The following ZNF43 variants were observed in gnomAD, a reference collection of about 807,000 sequenced individuals.
ZNF43 encodes zinc finger protein 39-like 1 (KOX 27).
A neutral mutation model predicts 68.4 loss-of-function variants in ZNF43; 44 were observed. The observed-to-expected ratio is 0.64, with a 90% CI of 0.51 to 0.83. The LOEUF is 0.83. Ranked by LOEUF, ZNF43 falls within the 40% of genes least tolerant of loss-of-function variation. The pLI, the probability that ZNF43 is intolerant of heterozygous loss-of-function variation, is 0.00. For synonymous variants in ZNF43, 308 were observed against 307.8 expected (o/e 1.00, Z -0.01); for missense variants, 896 against 933.2 (o/e 0.96, Z 0.52).
chr19:21,831,563 G>A (rs1327295734), intron 1 of ZNF43, among the ~76,000 whole-genome samples: 3 of 152,040 alleles, frequency 2.0e-5, no homozygotes, highest in Non-Finnish European at 2.9e-5. Flanking sequence ...GTTTCATCAT[G>A]TTGGCCAGGC....
intron 3 of ZNF43, among the ~76,000 whole-genome samples, chr19:21,817,520 G>A (rs2037588320): frequency 6.6e-6 from 1 of 152,146 alleles, no homozygotes; most frequent in Non-Finnish European, 1.5e-5. Flanking sequence ...TTTCAGACAT[G>A]ATGTAAAGAA....
rs748544106 is a variant in ZNF43 at position 21,808,193 on chromosome 19, AT to A, written c.1843del (p.Ile615PhefsTer28). 2.5e-6 allele frequency: 4 copies of A among 1,611,686 alleles called. No individual in the cohort carries two copies. The highest frequency in any genetic ancestry group is 2.5e-6 in the Non-Finnish European group (3 of 1,179,346). ...QSSNLTTHKK[I>X]HTGGKPYKCE... ...TTTGTAGGGTTTTCCTCCAGTATGA[AT>A]TTTTTTATGTGTAGTAAGGTTTGAA... On this transcript the variant is annotated frameshift_variant, in exon 4 of 4. Transcript: ENST00000354959. LOFTEE classifies it high-confidence loss of function.
chr19:21,823,774 G>C (rs2037970145), intron 1 of ZNF43, among the ~76,000 whole-genome samples: 1 of 151,874 alleles, frequency 6.6e-6, no homozygotes, highest in Admixed American at 6.6e-5. Flanking sequence ...ACACCATGTT[G>C]GTCAGGCTGA....
upstream of ZNF43, chr19:21,836,287 GC>G (rs1346757853): frequency 3.1e-6 from 4 of 1,283,696 alleles, no homozygotes; most frequent in Non-Finnish European, 3.0e-6. Context: ...CTAAGGTCCT[GC>G]CCCCGCAAAC....
intron 1 of ZNF43, among the ~76,000 whole-genome samples, chr19:21,824,053 G>C (rs1214231007): frequency 6.6e-6 from 1 of 152,108 alleles, no homozygotes; most frequent in East Asian, 1.9e-4. Context: ...GCCGGGCGTG[G>C]TGATGGGTGC....
At chr19:21,835,577 G>C (rs968926893) in intron 1 of ZNF43, among the ~76,000 whole-genome samples, 3 of 151,676 alleles carry the variant, frequency 2.0e-5, no homozygotes, top group Non-Finnish European at 2.9e-5. Flanking sequence ...GGCTGCTCTC[G>C]AACTCCTCAC....
chr19:21,848,134 TTTGTTG>T (rs139196924), intron 1 of ZNF43, among the ~76,000 whole-genome samples: 97 of 150,962 alleles, frequency 6.4e-4, no homozygotes, highest in Non-Finnish European at 1.1e-3. Flanking sequence ...TATGTAACAA[TTTGTTG>T]TTGTTGTTGT....
At chr19:21,812,690 T>A (rs1254969193) in intron 3 of ZNF43, among the ~76,000 whole-genome samples, 6 of 152,016 alleles carry the variant, frequency 3.9e-5, no homozygotes, top group African/African-American at 1.4e-4. Flanking sequence ...GTGGCTCACA[T>A]CTTTAAACCC....
intron 1 of ZNF43, among the ~76,000 whole-genome samples, chr19:21,824,065 T>C (rs2037987417): frequency 6.6e-6 from 1 of 152,018 alleles, no homozygotes; most frequent in Non-Finnish European, 1.5e-5. Flanking sequence ...GATGGGTGCC[T>C]GTAGTCCCAG....
chr19:21,823,046 A>T (rs1314998935), intron 1 of ZNF43, among the ~76,000 whole-genome samples: 1 of 152,224 alleles, frequency 6.6e-6, no homozygotes, highest in Non-Finnish European at 1.5e-5. Flanking sequence ...GGTAAGATGA[A>T]TAGAAACAGT....
At position 21,805,624 on chromosome 19, in the gene ZNF43, AAAACC is replaced by A. The variant is rs919928072; in HGVS notation, c.*1978_*1982del. On this transcript the variant is annotated 3_prime_UTR_variant, in exon 4 of 4. Coordinates refer to ENST00000354959, the MANE Select transcript of ZNF43 (RefSeq NM_003423.4). ...AGAGCAAGACTCTGTCTCAAAAAAA[AAAACC>A]AAACAAACAAAAAAAATTATGAATA... 6.6e-6 allele frequency: 1 copy of A among 152,128 alleles called. No homozygotes were observed. The highest frequency in any genetic ancestry group is 1.5e-5 in the Non-Finnish European group (1 of 68,026). 9.4% of individuals were successfully genotyped at this position (152,128 alleles called of 1,614,324 possible). A position where few individuals can be genotyped will look rare whatever the true frequency, so the allele number is the denominator to read the frequency against.
chr19:21,805,464 CA>C lies in ZNF43; in HGVS notation c.*2142del, dbSNP rs1011320433. ...GGGTGACAGAGCGAGACTCCATCTC[CA>C]AAAAAAAACCCAAACAAGTAGTGGG... On this transcript the variant is annotated 3_prime_UTR_variant, in exon 4 of 4. Transcript: ENST00000354959. The C allele has an allele frequency of 5.6e-5, 8 of 143,420 alleles. No homozygotes were observed. The highest frequency in any genetic ancestry group is 2.0e-4 in the East Asian group (1 of 4,894). 8.9% of individuals were successfully genotyped at this position (143,420 alleles called of 1,614,324 possible). A position where few individuals can be genotyped will look rare whatever the true frequency, so the allele number is the denominator to read the frequency against.
chr19:21,832,968 AGAT>A (rs1337618643), intron 1 of ZNF43, among the ~76,000 whole-genome samples: 7 of 152,360 alleles, frequency 4.6e-5, no homozygotes, highest in Admixed American at 4.6e-4. Context: ...TCAGAAATCA[AGAT>A]GATAGGATAT....
At chr19:21,813,260 T>G (rs1460901363) in intron 3 of ZNF43, among the ~76,000 whole-genome samples, 1 of 150,618 alleles carries the variant, frequency 6.6e-6, no homozygotes, top group Non-Finnish European at 1.5e-5. Flanking sequence ...AAAAAAAAAA[T>G]TATAAATGTT....
intron 1 of ZNF43, among the ~76,000 whole-genome samples, chr19:21,834,862 TTAAAA>T (rs2038618650): frequency 6.6e-6 from 1 of 150,772 alleles, no homozygotes; most frequent in Admixed American, 6.6e-5. Flanking sequence ...CAAAAAATAA[TTAAAA>T]TATCTGTATC....
chr19:21,845,832 G>A (rs754016879), intron 1 of ZNF43, among the ~76,000 whole-genome samples: 43 of 150,762 alleles, frequency 2.9e-4, no homozygotes, highest in Non-Finnish European at 6.0e-4. Context: ...GGCAGAGGTT[G>A]TCATGAGCCG....
intron 1 of ZNF43, among the ~76,000 whole-genome samples, chr19:21,828,815 C>T (rs1451928209): frequency 6.6e-6 from 1 of 150,756 alleles, no homozygotes; most frequent in Admixed American, 6.6e-5. Flanking sequence ...GAGCAGATCA[C>T]GAGGTCAGGA....
rs2036870433 is a variant in ZNF43, at chr19:21,804,969, T to G, written c.*2638A>C. 6.6e-6 allele frequency: 1 copy of G among 152,186 alleles called. No homozygotes were observed. Among genetic ancestry groups the G allele is most frequent in the African/African-American group, 2.4e-5 (1 of 41,448 alleles). The allele number at this position is 152,186 out of a possible 1,614,324, so 9.4% of individuals were successfully genotyped here. ...TGTTTATTCATGACTCAGGAATGTA[T>G]GGACTTTATTTATACTTCTATATAA... On this transcript the variant is annotated 3_prime_UTR_variant, in exon 4 of 4. Transcript: ENST00000354959.
intron 1 of ZNF43, among the ~76,000 whole-genome samples, chr19:21,847,454 T>C (rs1429884898): frequency 3.3e-5 from 5 of 152,094 alleles, no homozygotes; most frequent in Admixed American, 2.0e-4. Context: ...CCCAATACTT[T>C]GGGAGGCTGA....
Sources: gnomAD v4.1 joint callset for allele counts (sites outside exome capture counted in the v4.1 genomes callset) on GRCh38, gnomAD v4.1.1 for gene constraint, MANE v1.5 for transcripts, NCBI Gene and HGNC (gene_info 2026-07-23, HGNC 2026-07-21) for gene names.